KANK1: variants seen among roughly 807,000 people sequenced by gnomAD.
KANK1 encodes the protein KN motif and ankyrin repeat domain-containing protein 1.
In KANK1, 109 loss-of-function variants were observed where a neutral mutation model predicts 106.2. The observed-to-expected ratio is 1.03, with a 90% CI of 0.88 to 1.20. The LOEUF is 1.20. Among genes scored for constraint, KANK1 ranks in the 50% most tolerant of loss-of-function variants. The probability of loss-of-function intolerance (pLI) is 0.00; values close to 1 mark genes in which losing one functional copy is unlikely to be tolerated. For synonymous variants in KANK1, 873 were observed against 652.2 expected (o/e 1.34, Z -5.16); for missense variants, 2,399 against 1,710.7 (o/e 1.40, Z -7.10).
exon 1 of KANK1, chr9:470,300 T>C (rs1291048791): frequency 2.0e-5 from 3 of 147,950 alleles, no homozygotes; most frequent in Non-Finnish European, 4.5e-5. Flanking sequence ...CGCCCGAGGG[T>C]GTTTCGGGGC....
At chr9:603,269 C>T (rs776251280) in intron 1 of KANK1, among the ~76,000 whole-genome samples, 18 of 151,882 alleles carry the variant, frequency 1.2e-4, no homozygotes, top group Non-Finnish European at 1.6e-4. Context: ...CAAATCTCAA[C>T]TGGCAGATAA....
intron 1 of KANK1, among the ~76,000 whole-genome samples, chr9:590,181 A>G (rs1485486055): frequency 6.6e-6 from 1 of 152,134 alleles, no homozygotes; most frequent in East Asian, 1.9e-4. Flanking sequence ...GATGATATTT[A>G]TGGTTGCTTT....
At chr9:529,011 C>T (rs1467263331) in intron 1 of KANK1, among the ~76,000 whole-genome samples, 9 of 152,112 alleles carry the variant, frequency 5.9e-5, no homozygotes, top group Non-Finnish European at 2.9e-5. Context: ...GTTTCCCAGG[C>T]TGGTCTTGAA....
intron 1 of KANK1, among the ~76,000 whole-genome samples, chr9:573,394 C>G (rs1390262934): frequency 1.3e-5 from 2 of 152,040 alleles, no homozygotes; most frequent in Non-Finnish European, 2.9e-5. Context: ...CTCAGCTTCC[C>G]GAGTAGCTGG....
At chr9:565,192 C>T (rs1817512835) in intron 1 of KANK1, among the ~76,000 whole-genome samples, 1 of 152,182 alleles carries the variant, frequency 6.6e-6, no homozygotes, top group African/African-American at 2.4e-5. Flanking sequence ...AGCTGGAGAA[C>T]ATCTATTCCT....
intron 1 of KANK1, among the ~76,000 whole-genome samples, chr9:513,719 C>G (rs1334125564): frequency 2.0e-5 from 3 of 152,146 alleles, no homozygotes; most frequent in African/African-American, 7.2e-5. Context: ...CTGGTTCACC[C>G]TTTGACCTTG....
At chr9:635,224 A>G (rs769733439) in intron 1 of KANK1, among the ~76,000 whole-genome samples, 4 of 151,998 alleles carry the variant, frequency 2.6e-5, no homozygotes, top group African/African-American at 4.8e-5. Flanking sequence ...GTGCCTGCCT[A>G]CCACCAAACC....
intron 1 of KANK1, among the ~76,000 whole-genome samples, chr9:618,847 A>T (rs1832486544): frequency 2.0e-5 from 3 of 152,174 alleles, no homozygotes; most frequent in Admixed American, 2.0e-4. Context: ...ACCTGTCTTG[A>T]GGCAAAATTG....
chr9:738,803 C>G (rs17434231), intron 8 of KANK1, among the ~76,000 whole-genome samples: 19,868 of 152,226 alleles, frequency 0.13, 1,595 homozygotes, highest in Non-Finnish European at 0.17. Context: ...GCATGTCTCA[C>G]GTTCCCTCCT....
At chr9:698,141 T>G (rs10758807) in intron 2 of KANK1, among the ~76,000 whole-genome samples, 139,571 of 152,238 alleles carry the variant, frequency 0.92, 64,189 homozygotes, top group African/African-American at 0.98. Context: ...TGCGGGTGGA[T>G]AGGTACACAA....
At chr9:641,839 C>T (rs867672575) in intron 1 of KANK1, among the ~76,000 whole-genome samples, 1 of 152,098 alleles carries the variant, frequency 6.6e-6, no homozygotes, top group African/African-American at 2.4e-5. Flanking sequence ...ATTCACAAAC[C>T]ATGCAGTCCA....
intron 1 of KANK1, among the ~76,000 whole-genome samples, chr9:506,845 A>G (rs1299533959): frequency 2.0e-5 from 3 of 152,200 alleles, no homozygotes; most frequent in South Asian, 2.1e-4. Context: ...AATGGCCGAA[A>G]GGGGCAGTGC....
At chr9:596,986 A>T (rs1042633966) in intron 1 of KANK1, among the ~76,000 whole-genome samples, 7 of 151,996 alleles carry the variant, frequency 4.6e-5, no homozygotes, top group African/African-American at 1.7e-4. Flanking sequence ...ATGTAAAATA[A>T]ATGTTCTCAT....
At chr9:585,388 C>T (rs954104722) in intron 1 of KANK1, among the ~76,000 whole-genome samples, 7 of 152,218 alleles carry the variant, frequency 4.6e-5, no homozygotes, top group Non-Finnish European at 5.9e-5. Context: ...CTTCCTGAGA[C>T]AGCTGTCAGA....
intron 1 of KANK1, among the ~76,000 whole-genome samples, chr9:553,126 A>T (rs2061377432): frequency 6.6e-6 from 1 of 152,172 alleles, no homozygotes; most frequent in African/African-American, 2.4e-5. Context: ...AGCCTGGGTG[A>T]CAGACAGCGA....
chr9:520,246 G>C (rs1437232738), intron 1 of KANK1, among the ~76,000 whole-genome samples: 1 of 151,818 alleles, frequency 6.6e-6, no homozygotes, highest in Non-Finnish European at 1.5e-5. Context: ...GTGGAGGTGG[G>C]AGGATCACCT....
intron 1 of KANK1, among the ~76,000 whole-genome samples, chr9:653,950 G>A (rs996954086): frequency 5.9e-5 from 9 of 152,084 alleles, no homozygotes; most frequent in Non-Finnish European, 2.9e-5. Flanking sequence ...TTTGCAGAGT[G>A]TGCCACCCTG....
intron 1 of KANK1, among the ~76,000 whole-genome samples, chr9:660,626 A>G (rs541669876): frequency 7.0e-4 from 107 of 152,270 alleles, no homozygotes; most frequent in African/African-American, 2.4e-3. Flanking sequence ...ATCATAGACA[A>G]CTACGTCTGG....
chr9:687,233 G>T (rs2139307672), intron 2 of KANK1, among the ~76,000 whole-genome samples: 1 of 152,208 alleles, frequency 6.6e-6, no homozygotes, highest in South Asian at 2.1e-4. Context: ...CAGCCCCGAG[G>T]CTGCGAGCAT....
Sources: allele counts gnomAD v4.1 joint callset (sites outside exome capture counted in the v4.1 genomes callset), GRCh38; gene constraint gnomAD v4.1.1; transcripts MANE v1.5; gene names NCBI Gene and HGNC (gene_info 2026-07-23, HGNC 2026-07-21).